LATS2: variants seen among roughly 807,000 people sequenced by gnomAD.
LATS2 encodes serine/threonine-protein kinase LATS2.
A neutral mutation model predicts 76.0 loss-of-function variants in LATS2; 24 were observed. The ratio of observed to expected loss-of-function variants is 0.32; its 90% CI spans 0.23 to 0.44. The LOEUF is 0.44. Ranked by LOEUF, LATS2 falls within the 20% of genes least tolerant of loss-of-function variation. The pLI is 1.00. For missense variants in LATS2, 1,286 were observed against 1,481.2 expected, an observed-to-expected ratio of 0.87 and a Z score of 2.16; for synonymous variants, 692 against 635.4, an observed-to-expected ratio of 1.09 and a Z score of -1.34.
intron 2 of LATS2, among the ~76,000 whole-genome samples, chr13:21,025,214 T>C (rs1375753307): frequency 4.3e-5 from 3 of 70,568 alleles, no homozygotes; most frequent in Non-Finnish European, 9.4e-5. Flanking sequence ...ACCCCGTCTC[T>C]ACTAAAAAAA....
intron 2 of LATS2, among the ~76,000 whole-genome samples, chr13:20,995,712 G>A (rs1417616399): frequency 6.6e-6 from 1 of 152,000 alleles, no homozygotes; most frequent in Non-Finnish European, 1.5e-5. Flanking sequence ...CAGGCTAAAG[G>A]GAATTTCAAA....
At chr13:20,976,362 G>A (rs779335443) in intron 7 of LATS2, among the ~76,000 whole-genome samples, 3 of 152,288 alleles carry the variant, frequency 2.0e-5, no homozygotes, top group Admixed American at 1.3e-4. Flanking sequence ...AGAAAACATA[G>A]GGTGAAATCT....
intron 1 of LATS2, among the ~76,000 whole-genome samples, chr13:21,048,110 T>C (rs773553595): frequency 1.3e-5 from 2 of 152,312 alleles, no homozygotes; most frequent in South Asian, 2.1e-4. Flanking sequence ...GCTTAATTGG[T>C]GTAAAATGGG....
chr13:20,982,045 G>A (rs1230406902), intron 5 of LATS2, among the ~76,000 whole-genome samples: 1 of 152,192 alleles, frequency 6.6e-6, no homozygotes, highest in African/African-American at 2.4e-5. Flanking sequence ...AACTTAGGAG[G>A]ATTTAAACAA....
intron 2 of LATS2, among the ~76,000 whole-genome samples, chr13:21,016,145 A>G (rs191632074): frequency 6.8e-4 from 102 of 150,580 alleles, no homozygotes; most frequent in African/African-American, 2.3e-3. Flanking sequence ...ACTCGCCATC[A>G]TGCCCAGCTA....
chr13:20,991,543 G>A lies in LATS2; in HGVS notation c.343-139C>T. 2.1e-6 allele frequency: 2 copies of A among 968,590 alleles called. No homozygotes were observed. Among genetic ancestry groups the A allele is most frequent in the South Asian group, 3.3e-5 (2 of 61,488 alleles). The allele number at this position is 968,590 out of a possible 1,614,324, so 60.0% of individuals were successfully genotyped here. A position where few individuals can be genotyped will look rare whatever the true frequency, so the allele number is the denominator to read the frequency against. On this transcript the variant is annotated intron_variant, in intron 2 of 7. Coordinates refer to ENST00000382592, the MANE Select transcript of LATS2 (RefSeq NM_014572.3). The surrounding 1 kb of genome is among the most constrained non-coding windows in gnomAD (Gnocchi z 4.9). The stretch of plus-strand genomic sequence containing the variant: ...TGAGAACCTGCGATATGCTGCAGGA[G>A]ACCCTCAGAATGAGTGCAGGTGGCT...
At position 20,981,663 on chromosome 13, in the gene LATS2, C is replaced by G. The variant is rs769872217; in HGVS notation, c.2483-15G>C. The G allele has an allele frequency of 6.3e-7, 1 of 1,580,936 alleles. No individual in the cohort carries two copies. The highest frequency in any genetic ancestry group is 8.6e-7 in the Non-Finnish European group (1 of 1,164,914). ...GACATGGCTCCCTTCACCCAGGAAT[C>G]AGGGATAGTGAAAGAAAAGAACAAA... is the stretch of plus-strand genomic sequence containing the variant. On this transcript the variant is annotated splice_polypyrimidine_tract_variant and intron_variant, in intron 5 of 7. Coordinates refer to ENST00000382592, the MANE Select transcript of LATS2 (RefSeq NM_014572.3).
At chr13:21,054,766 T>C (rs1464022422) in intron 1 of LATS2, among the ~76,000 whole-genome samples, 1 of 152,234 alleles carries the variant, frequency 6.6e-6, no homozygotes, top group East Asian at 1.9e-4. Flanking sequence ...TTTTCTTTCT[T>C]TTTCCATTCC....
chr13:21,002,006 T>C (rs904893198), intron 2 of LATS2, among the ~76,000 whole-genome samples: 1 of 151,572 alleles, frequency 6.6e-6, no homozygotes, highest in Non-Finnish European at 1.5e-5. Flanking sequence ...CTCCGCCTCC[T>C]GGGTTCACGC....
intron 2 of LATS2, among the ~76,000 whole-genome samples, chr13:21,001,928 T>C (rs1420447546): frequency 2.0e-5 from 3 of 151,688 alleles, no homozygotes; most frequent in African/African-American, 7.3e-5. Flanking sequence ...ATCCATTTTT[T>C]TTTGAGGCGG....
Position 20,988,671 on chromosome 13 carries a change from CA to C in LATS2, c.1108del (p.Trp370GlyfsTer63). The C allele has an allele frequency of 6.4e-7, 1 of 1,573,974 alleles. No homozygotes were observed. The highest frequency in any genetic ancestry group is 8.5e-7 in the Non-Finnish European group (1 of 1,169,942). On this transcript the variant is annotated frameshift_variant, in exon 4 of 8. Coordinates refer to ENST00000382592, the MANE Select transcript of LATS2 (RefSeq NM_014572.3). LOFTEE classifies it high-confidence loss of function. ...YELGSTSVQQ[W>X]PAATLARRDS... ...CCGGCGGGCCAGGGTGGCAGCCGGC[CA>C]CTGCTGGACGGAGGTGCTGCCCAAT...
At chr13:21,027,160 G>A (rs1221143079) in intron 2 of LATS2, among the ~76,000 whole-genome samples, 2 of 152,194 alleles carry the variant, frequency 1.3e-5, no homozygotes, top group African/African-American at 2.4e-5. Context: ...CTCATTCTGT[G>A]GATTGAGTTT....
intron 1 of LATS2, among the ~76,000 whole-genome samples, chr13:21,058,869 G>T (rs997681413): frequency 6.6e-6 from 1 of 151,530 alleles, no homozygotes. Flanking sequence ...TTAAATAGAC[G>T]TCATAAACAG....
chr13:20,997,174 C>G (rs2138308957), intron 2 of LATS2, among the ~76,000 whole-genome samples: 1 of 152,334 alleles, frequency 6.6e-6, no homozygotes, highest in Non-Finnish European at 1.5e-5. Flanking sequence ...TGAGGTTTCA[C>G]TGGTTTACTG....
At chr13:20,990,593 A>G (rs1402412748) in intron 3 of LATS2, among the ~76,000 whole-genome samples, 1 of 151,778 alleles carries the variant, frequency 6.6e-6, no homozygotes, top group East Asian at 1.9e-4. Flanking sequence ...AAACAAAACA[A>G]AGCAAAACAA....
At chr13:21,025,016 T>C (rs1490623068) in intron 2 of LATS2, among the ~76,000 whole-genome samples, 1 of 152,168 alleles carries the variant, frequency 6.6e-6, no homozygotes, top group Non-Finnish European at 1.5e-5. Context: ...TTTTGATTCA[T>C]TGATTTTTAT....
intron 2 of LATS2, among the ~76,000 whole-genome samples, chr13:21,027,595 T>A (rs972106415): frequency 1.3e-5 from 2 of 152,222 alleles, no homozygotes; most frequent in Non-Finnish European, 2.9e-5. Flanking sequence ...CTATCTAGTC[T>A]TATGCCAATG....
chr13:20,992,437 G>A (rs74730195), intron 2 of LATS2, among the ~76,000 whole-genome samples: 7,672 of 152,250 alleles, frequency 0.05, 235 homozygotes, highest in Non-Finnish European at 0.066. Flanking sequence ...GGAGGGTACC[G>A]AAGAGATGCA....
chr13:21,039,277 C>T (rs533070440), intron 2 of LATS2, among the ~76,000 whole-genome samples: 5 of 152,220 alleles, frequency 3.3e-5, no homozygotes, highest in African/African-American at 4.8e-5. Flanking sequence ...TTTCAGCACG[C>T]GTGTTCAGTA....
Sources: allele counts gnomAD v4.1 joint callset (sites outside exome capture counted in the v4.1 genomes callset), GRCh38; gene constraint gnomAD v4.1.1; non-coding constraint Gnocchi (gnomAD v3.1); transcripts MANE v1.5; gene names NCBI Gene and HGNC (gene_info 2026-07-23, HGNC 2026-07-21).